The following DENND1A variants were observed in gnomAD, a reference collection of about 807,000 sequenced individuals.
DENND1A encodes DENN domain-containing protein 1A.
DENND1A carries 51 observed loss-of-function variants against 113.7 expected under a neutral mutation model. That is an observed-to-expected ratio of 0.45 (90% confidence interval 0.36 to 0.57). The LOEUF is 0.57. DENND1A is among the 20% of genes least tolerant of loss of function. DENND1A has a pLI of 0.00. For synonymous variants in DENND1A, 565 were observed against 570.8 expected (o/e 0.99, Z 0.14); for missense variants, 1,258 against 1,395.9 (o/e 0.90, Z 1.57).
At chr9:123,452,842 C>T (rs2047836699) in intron 16 of DENND1A, among the ~76,000 whole-genome samples, 2 of 152,192 alleles carry the variant, frequency 1.3e-5, no homozygotes. Context: ...ACTTCCTTTT[C>T]TTTCCTTGGT....
intron 19 of DENND1A, among the ~76,000 whole-genome samples, chr9:123,436,964 T>C (rs1462553200): frequency 6.6e-6 from 1 of 152,224 alleles, no homozygotes; most frequent in Non-Finnish European, 1.5e-5. Context: ...GTCAGGCTAC[T>C]GACAAAAGCA....
intron 9 of DENND1A, among the ~76,000 whole-genome samples, chr9:123,647,242 A>C (rs1329132049): frequency 6.6e-6 from 1 of 152,110 alleles, no homozygotes; most frequent in African/African-American, 2.4e-5. Context: ...AGAACCCCAA[A>C]CCTACCACCT....
At chr9:123,682,947 T>C (rs2064564237) in intron 5 of DENND1A, among the ~76,000 whole-genome samples, 1 of 152,174 alleles carries the variant, frequency 6.6e-6, no homozygotes, top group South Asian at 2.1e-4. Context: ...GAAGCTCTTA[T>C]AAGAGGAAAA....
At chr9:123,693,419 C>T (rs748574212) in intron 5 of DENND1A, among the ~76,000 whole-genome samples, 1 of 152,176 alleles carries the variant, frequency 6.6e-6, no homozygotes, top group Non-Finnish European at 1.5e-5. Context: ...TTCCATCACA[C>T]CCCATCCAGC....
chr9:123,690,056 G>C (rs2065070514), intron 5 of DENND1A, among the ~76,000 whole-genome samples: 1 of 125,810 alleles, frequency 7.9e-6, no homozygotes, highest in Non-Finnish European at 1.7e-5. Context: ...AAGGAAAGGA[G>C]GGAGGGAGGG....
intron 8 of DENND1A, among the ~76,000 whole-genome samples, chr9:123,654,831 G>A (rs990915283): frequency 2.0e-5 from 3 of 152,182 alleles, no homozygotes; most frequent in Non-Finnish European, 2.9e-5. Context: ...GAGTGGGTGG[G>A]AGTGCCAACA....
intron 11 of DENND1A, among the ~76,000 whole-genome samples, chr9:123,601,804 G>A (rs1254373700): frequency 1.3e-5 from 2 of 152,284 alleles, no homozygotes; most frequent in South Asian, 2.1e-4. Context: ...GATAAGAGTG[G>A]ACCAGGTAAG....
At chr9:123,438,448 G>A (rs1254229088) in intron 19 of DENND1A, among the ~76,000 whole-genome samples, 3 of 152,158 alleles carry the variant, frequency 2.0e-5, no homozygotes, top group Admixed American at 2.0e-4. Context: ...AGTGTAGACT[G>A]TATGCAAATG....
intron 1 of DENND1A, among the ~76,000 whole-genome samples, chr9:123,893,360 T>C (rs1333016587): frequency 3.3e-5 from 5 of 152,100 alleles, no homozygotes; most frequent in African/African-American, 7.2e-5. Context: ...AAAAACACAA[T>C]GTAAACCTCA....
At chr9:123,786,410 C>G (rs1832180812) in intron 3 of DENND1A, among the ~76,000 whole-genome samples, 1 of 152,136 alleles carries the variant, frequency 6.6e-6, no homozygotes, top group Non-Finnish European at 1.5e-5. Flanking sequence ...TTTTCAGAGA[C>G]ATTCCCACTT....
chr9:123,523,364 A>G (rs1396325778), intron 13 of DENND1A, among the ~76,000 whole-genome samples: 1 of 152,178 alleles, frequency 6.6e-6, no homozygotes, highest in Admixed American at 6.5e-5. Flanking sequence ...GGTAACTCTT[A>G]TTCCATGTGT....
At chr9:123,615,255 C>A (rs546406770) in intron 10 of DENND1A, among the ~76,000 whole-genome samples, 25 of 152,338 alleles carry the variant, frequency 1.6e-4, no homozygotes, top group African/African-American at 5.3e-4. Flanking sequence ...TCAGAACTAC[C>A]ATTTCACAGA....
At chr9:123,407,920 CT>C (rs1396238340) in intron 20 of DENND1A, among the ~76,000 whole-genome samples, 1 of 152,202 alleles carries the variant, frequency 6.6e-6, no homozygotes, top group Non-Finnish European at 1.5e-5. Context: ...GGCAGCCTGC[CT>C]TTCCCTGGCA....
At chr9:123,580,187 T>A (rs2058823406) in intron 12 of DENND1A, among the ~76,000 whole-genome samples, 1 of 152,230 alleles carries the variant, frequency 6.6e-6, no homozygotes, top group African/African-American at 2.4e-5. Flanking sequence ...ACTCCTCTTT[T>A]AATGTGGAAA....
rs931528560 is a variant in DENND1A at position 123,392,830 on chromosome 9, C to T, written c.1632-4972G>A. On this transcript the variant is annotated intron_variant, in intron 21 of 23. Transcript: ENST00000394215. ...CACCCCCTTCCTACCCTTTCCCTGC[C>T]GAGGCCCCAGAGTCCCTTATGTCAT... Among the ~76,000 whole-genome samples, 29 of 152,128 alleles carry T rather than the reference C, an allele frequency of 1.9e-4. 1 individual carries two copies. Among genetic ancestry groups the T allele is most frequent in the Non-Finnish European group, 3.2e-4 (22 of 68,016 alleles).
intron 19 of DENND1A, among the ~76,000 whole-genome samples, chr9:123,424,070 ACT>A: frequency 6.6e-6 from 1 of 152,062 alleles, no homozygotes; most frequent in East Asian, 1.9e-4. Context: ...TGCTTACAGC[ACT>A]CTGGGAGAGT....
At chr9:123,897,096 AG>A (rs1487383340) in intron 1 of DENND1A, among the ~76,000 whole-genome samples, 1 of 152,244 alleles carries the variant, frequency 6.6e-6, no homozygotes, top group Non-Finnish European at 1.5e-5. Flanking sequence ...TCTGGCTCCC[AG>A]TAACAGGCAC....
At chr9:123,486,786 C>A (rs769741324) in intron 13 of DENND1A, among the ~76,000 whole-genome samples, 3 of 152,134 alleles carry the variant, frequency 2.0e-5, no homozygotes, top group Admixed American at 2.0e-4. Flanking sequence ...TTCTGGGCAC[C>A]CTCCACCCTC....
chr9:123,550,551 G>T (rs950138857), intron 13 of DENND1A, among the ~76,000 whole-genome samples: 1 of 152,198 alleles, frequency 6.6e-6, no homozygotes, highest in Non-Finnish European at 1.5e-5. Flanking sequence ...CACATGCACC[G>T]TCATGCAGCA....
Sources: gnomAD v4.1 joint callset for allele counts (sites outside exome capture counted in the v4.1 genomes callset) on GRCh38, gnomAD v4.1.1 for gene constraint, MANE v1.5 for transcripts, NCBI Gene and HGNC (gene_info 2026-07-23, HGNC 2026-07-21) for gene names.